VPS13C: variants seen among roughly 807,000 people sequenced by gnomAD.
The protein encoded by VPS13C is vacuolar protein sorting 13 homolog C.
In VPS13C, 358 loss-of-function variants were observed where a neutral mutation model predicts 456.8. That is an observed-to-expected ratio of 0.78 (90% CI 0.72 to 0.86). The LOEUF (loss-of-function observed/expected upper bound fraction) is 0.86. Among genes scored for constraint, VPS13C ranks in the 40% least tolerant of loss-of-function variants. The pLI, the probability that VPS13C is intolerant of heterozygous loss-of-function variation, is 0.00. For synonymous variants in VPS13C, 1,578 were observed against 1,486.7 expected (o/e 1.06, Z -1.41); for missense variants, 4,818 against 4,385.4 (o/e 1.10, Z -2.79).
At chr15:61,883,184 C>A (rs1896002273) in intron 68 of VPS13C, among the ~76,000 whole-genome samples, 1 of 150,906 alleles carries the variant, frequency 6.6e-6, no homozygotes, top group Non-Finnish European at 1.5e-5. Flanking sequence ...CCATGCCCAG[C>A]TAATTTTAAT....
chr15:61,870,741 G>C (rs1894960315), intron 79 of VPS13C, among the ~76,000 whole-genome samples: 1 of 152,124 alleles, frequency 6.6e-6, no homozygotes, highest in Admixed American at 6.5e-5. Flanking sequence ...TTATTTTACA[G>C]TCCCACTAGT....
At chr15:61,920,421 T>C in intron 56 of VPS13C, 77 bp downstream of exon 56, 1 of 1,492,370 alleles carries the variant, frequency 6.7e-7, no homozygotes. Flanking sequence ...TTTTGGAAAC[T>C]AATTTTGATG....
At position 61,915,451 on chromosome 15, in the gene VPS13C, A is replaced by G. The variant is rs62009107; in HGVS notation, c.8445+182T>C. ...GGCATTGGAGAAAAGGGCAACTCAT[A>G]GTCTCAGGAAACCTATTAGTTCCTA... On this transcript the variant is annotated intron_variant, in intron 61 of 84. Coordinates refer to ENST00000644861, the MANE Select transcript of VPS13C (RefSeq NM_020821.3). Among the ~76,000 whole-genome samples the G allele has an allele frequency of 3.0e-3, 444 of 149,160 alleles. 2 individuals are homozygous for G. Among genetic ancestry groups the G allele is most frequent in the Non-Finnish European group, 4.5e-3 (304 of 68,022 alleles).
At chr15:61,967,347 T>C (rs372276040) in intron 29 of VPS13C, 21 bp downstream of exon 29, 198 of 1,576,700 alleles carry the variant, frequency 1.3e-4, no homozygotes, top group Non-Finnish European at 1.6e-4. Context: ...AATAAATATA[T>C]AATCATTCTA....
chr15:61,909,254 C>G, intron 64 of VPS13C, 129 bp from the exon 65 acceptor site: 1 of 1,191,174 alleles, frequency 8.4e-7, no homozygotes. Flanking sequence ...GTCACCCAGG[C>G]TGGAGTACAG....
intron 79 of VPS13C, among the ~76,000 whole-genome samples, chr15:61,870,903 A>G (rs1483102320): frequency 6.6e-6 from 1 of 152,082 alleles, no homozygotes; most frequent in African/African-American, 2.4e-5. Flanking sequence ...GGCCATATGT[A>G]TATCTTCTTT....
At chr15:61,892,036 C>T (rs1276085100) in intron 66 of VPS13C, among the ~76,000 whole-genome samples, 1 of 152,196 alleles carries the variant, frequency 6.6e-6, no homozygotes, top group Non-Finnish European at 1.5e-5. Context: ...AATTTCTACA[C>T]TGGATAAAGT....
chr15:61,870,067 A>G (rs1249339543), intron 79 of VPS13C, among the ~76,000 whole-genome samples: 1 of 152,204 alleles, frequency 6.6e-6, no homozygotes, highest in African/African-American at 2.4e-5. Flanking sequence ...TTGAAATGCA[A>G]TTCATATACC....
intron 23 of VPS13C, among the ~76,000 whole-genome samples, chr15:61,978,298 C>T (rs34646089): frequency 0.056 from 8,496 of 152,046 alleles, 308 homozygotes; most frequent in Non-Finnish European, 0.08. Flanking sequence ...ATCCCAAAAG[C>T]GGTAAGACAG....
chr15:62,042,618 T>C (rs2048276721), intron 2 of VPS13C, among the ~76,000 whole-genome samples: 2 of 152,058 alleles, frequency 1.3e-5, no homozygotes, highest in South Asian at 4.1e-4. Context: ...TTATACAGTA[T>C]ACAAACTGCA....
In VPS13C at chr15:62,028,435, G is replaced by C. The variant is rs760642450; in HGVS notation, c.386-15C>G. The C allele has an allele frequency of 4.3e-6, 7 of 1,612,182 alleles. No individual in the cohort carries two copies. Among genetic ancestry groups the C allele is most frequent in the Non-Finnish European group, 4.2e-6 (5 of 1,178,900 alleles). ...TGAATGTGTGCCTGCATCCCACATG[G>C]CAGCAATAACCAAAATGCAAAGCAA... On this transcript the variant is annotated splice_polypyrimidine_tract_variant and intron_variant, in intron 5 of 84. Coordinates refer to ENST00000644861, the MANE Select transcript of VPS13C (RefSeq NM_020821.3).
intron 47 of VPS13C, among the ~76,000 whole-genome samples, chr15:61,940,142 C>T (rs952455430): frequency 6.6e-6 from 1 of 152,132 alleles, no homozygotes; most frequent in Admixed American, 6.5e-5. Flanking sequence ...ACACATTTGC[C>T]TATTCAAAAT....
chr15:61,960,198 T>C (rs2045146794), intron 35 of VPS13C, among the ~76,000 whole-genome samples: 1 of 152,170 alleles, frequency 6.6e-6, no homozygotes, highest in African/African-American at 2.4e-5. Context: ...AATCAAACCA[T>C]GAGGAATCAC....
chr15:61,991,003 C>T lies in VPS13C; in HGVS notation c.1575G>A (p.Lys525=). ...TTTAAACCACTTAAATAATTACCTG[C>T]TTAGGTAAAGTTAGGTTGTGGGTAC... is the stretch of plus-strand genomic sequence containing the variant. The part of the protein sequence containing the change: ...SESTHNLTLP[K]QYVAHIMTLK... Residue 525 remains lysine (K), a synonymous_variant, in exon 18 of 85, where the codon AAG becomes AAA. Transcript: ENST00000644861. 1.9e-6 allele frequency: 3 copies of T among 1,605,122 alleles called. No homozygotes were observed. The highest frequency in any genetic ancestry group is 2.2e-5 in the South Asian group (2 of 89,814).
Position 61,890,161 on chromosome 15 carries a change from A to G in VPS13C, c.9341+4T>C, listed in dbSNP as rs775566257. On this transcript the variant is annotated splice_donor_region_variant and intron_variant, in intron 67 of 84. Transcript: ENST00000644861. Reference sequence around the variant, plus strand: ...TAGGATGTCTTATTTTCCTTCTTGCATACCTGGTTATCCCAATATAGGAAA... The same window carrying G: ...TAGGATGTCTTATTTTCCTTCTTGCGTACCTGGTTATCCCAATATAGGAAA... The G allele has an allele frequency of 1.9e-6, 3 of 1,613,612 alleles. No homozygotes were observed. In the East Asian group the frequency reaches 6.7e-5, roughly 36 times the overall value.
In VPS13C at chr15:61,978,681, T is replaced by A; in HGVS notation, c.2235A>T (p.Ala745=). The A allele has an allele frequency of 6.2e-7, 1 of 1,613,106 alleles. No individual in the cohort carries two copies. The highest frequency in any genetic ancestry group is 8.5e-7 in the Non-Finnish European group (1 of 1,179,616). The change falls in exon 23 of 85, where the codon GCA becomes GCT. Residue 745 remains alanine (A), a synonymous_variant. Transcript: ENST00000644861. ...NSSLEEIMDK[A]YDKFDVEIKN... ...TTATTTCAACATCAAACTTGTCATATGCCTTATCCATTATTTCTTCCAGAG... is the reference window on the plus strand; with the variant it reads ...TTATTTCAACATCAAACTTGTCATAAGCCTTATCCATTATTTCTTCCAGAG...
At position 61,977,248 on chromosome 15, in the gene VPS13C, T is replaced by A. The variant is rs1180160996; in HGVS notation, c.2291-49A>T. On this transcript the variant is annotated intron_variant, in intron 23 of 84. Coordinates refer to ENST00000644861, the MANE Select transcript of VPS13C (RefSeq NM_020821.3). ...TATTTATTATTTTTACAAACAGCCATGGAACATGGATAAATATTATTTTTA... is the reference window on the plus strand; with the variant it reads ...TATTTATTATTTTTACAAACAGCCAAGGAACATGGATAAATATTATTTTTA... 3 of 1,076,128 alleles carry A rather than the reference T, an allele frequency of 2.8e-6. No individual in the cohort carries two copies. The South Asian group carries it at 5.4e-5, about 19-fold the overall frequency. 66.7% of individuals were successfully genotyped at this position (1,076,128 alleles called of 1,614,324 possible).
At chr15:61,923,103 C>A (rs936701863) in intron 53 of VPS13C, among the ~76,000 whole-genome samples, 1 of 150,436 alleles carries the variant, frequency 6.6e-6, no homozygotes, top group Non-Finnish European at 1.5e-5. Context: ...ACAAGTATAG[C>A]AATGTAAACA....
intron 2 of VPS13C, 41 bp from the exon 3 acceptor site, chr15:62,041,407 T>G (rs767530895): frequency 3.8e-6 from 6 of 1,568,640 alleles, no homozygotes; most frequent in Non-Finnish European, 5.2e-6. Context: ...TCTTAAATTA[T>G]GAAGCCAACC....
Sources: gnomAD v4.1 joint callset for allele counts (sites outside exome capture counted in the v4.1 genomes callset) on GRCh38, gnomAD v4.1.1 for gene constraint, MANE v1.5 for transcripts, NCBI Gene and HGNC (gene_info 2026-07-23, HGNC 2026-07-21) for gene names.